Variants in RIMKLB observed in about 807,000 individuals in gnomAD.
RIMKLB encodes beta-citrylglutamate synthase B.
RIMKLB carries 7 observed loss-of-function variants against 32.0 expected under a neutral mutation model. The ratio of observed to expected loss-of-function variants is 0.22; its 90% CI spans 0.12 to 0.41. RIMKLB has a LOEUF of 0.41. Among genes scored for constraint, RIMKLB ranks in the 10% least tolerant of loss-of-function variants. RIMKLB has a pLI of 1.00. For synonymous variants in RIMKLB, 172 were observed against 185.1 expected (o/e 0.93, Z 0.57); for missense variants, 289 against 498.7 (o/e 0.58, Z 4.00).
At chr12:8,713,536 T>G (rs867961871) in intron 1 of RIMKLB, among the ~76,000 whole-genome samples, 1 of 152,332 alleles carries the variant, frequency 6.6e-6, no homozygotes, top group Middle Eastern at 3.4e-3. Context: ...GGAAGGGTAT[T>G]TAAACTTTCT....
At chr12:8,705,428 G>T (rs1174451304) in intron 1 of RIMKLB, among the ~76,000 whole-genome samples, 1 of 143,814 alleles carries the variant, frequency 7.0e-6, no homozygotes, top group African/African-American at 2.6e-5. Flanking sequence ...AGTGAGCCAA[G>T]ATCACGTCAC....
Position 8,773,527 on chromosome 12 carries a change from T to C in RIMKLB, c.904T>C (p.Tyr302His), listed in dbSNP as rs1157365838. ...NLDVAGIIAD[Y>H]AASLLPSGRL... ...AGATGTAGCTGGTATCATAGCAGAC[T>C]ATGCCGCCTCCCTTCTACCCTCTGG... The change falls in exon 6 of 6, where the codon TAT (tyrosine) becomes CAT (histidine). Residue 302 changes from tyrosine to histidine, a missense_variant. Tyr to His is a moderately conservative substitution (Grantham distance 83, BLOSUM62 2). Transcript: ENST00000535829. The C allele has an allele frequency of 1.9e-6, 3 of 1,614,140 alleles. No homozygotes were observed. In the African/African-American group the frequency reaches 4.0e-5, roughly 22 times the overall value.
At chr12:8,741,575 C>T (rs1591830911) in intron 2 of RIMKLB, among the ~76,000 whole-genome samples, 1 of 151,470 alleles carries the variant, frequency 6.6e-6, no homozygotes, top group Admixed American at 6.6e-5. Context: ...GTCAGGAGAT[C>T]GAGACCAGCC....
At chr12:8,703,733 A>G (rs1248723838) in intron 1 of RIMKLB, among the ~76,000 whole-genome samples, 2 of 152,112 alleles carry the variant, frequency 1.3e-5, no homozygotes, top group East Asian at 3.8e-4. Context: ...ACCACTTTCT[A>G]ATTGTGACTT....
intron 5 of RIMKLB, among the ~76,000 whole-genome samples, chr12:8,766,566 A>G (rs1467738371): frequency 1.3e-5 from 2 of 152,200 alleles, no homozygotes; most frequent in African/African-American, 4.8e-5. Flanking sequence ...GGCTGAGTGC[A>G]AACAGCTCGC....
rs1378235259 is a variant in RIMKLB at position 8,698,238 on chromosome 12, C to T, written c.-116C>T. 5.3e-6 allele frequency: 2 copies of T among 376,000 alleles called. No homozygotes were observed. Among genetic ancestry groups the T allele is most frequent in the East Asian group, 1.4e-4 (1 of 6,906 alleles). The allele number at this position is 376,000 out of a possible 1,614,324, so 23.3% of individuals were successfully genotyped here. ...TCCAGCCGCCCGGCGGCCCGCGCTT[C>T]CTCGAAGGCCCCAGCCCGGCTCAGT... On this transcript the variant is annotated 5_prime_UTR_variant, in exon 1 of 6. Transcript: ENST00000535829.
rs760094002 is a variant in RIMKLB at position 8,713,817 on chromosome 12, G to T, written c.-50G>T. 12 of 1,586,792 alleles carry T rather than the reference G, an allele frequency of 7.6e-6. No homozygotes were observed. Among genetic ancestry groups the T allele is most frequent in the Non-Finnish European group, 9.5e-6 (11 of 1,155,406 alleles). On this transcript the variant is annotated 5_prime_UTR_variant, in exon 2 of 6. Coordinates refer to ENST00000535829, the MANE Select transcript of RIMKLB (RefSeq NM_001297776.2). ...TATTTTTTCTTCCATCTAGGTAGAC[G>T]TTACATCCAAGAGGAAATAATCCAG...
At chr12:8,693,763 A>G (rs750088263), upstream of RIMKLB, among the ~76,000 whole-genome samples, 1 of 151,656 alleles carries the variant, frequency 6.6e-6, no homozygotes, top group African/African-American at 2.4e-5. Flanking sequence ...GCTAGATAAC[A>G]TGTGTATTTC....
intron 2 of RIMKLB, among the ~76,000 whole-genome samples, chr12:8,728,428 T>C (rs1004305943): frequency 6.6e-6 from 1 of 152,208 alleles, no homozygotes; most frequent in Admixed American, 6.5e-5. Flanking sequence ...GAGCCTTTGC[T>C]ACTGGACTAC....
At chr12:8,700,606 G>A (rs1219702700) in intron 1 of RIMKLB, 1 of 152,212 alleles carries the variant, frequency 6.6e-6, no homozygotes, top group African/African-American at 2.4e-5. Flanking sequence ...CAAACATAAA[G>A]TAAGGAGGGT....
upstream of RIMKLB, chr12:8,679,699 C>T (rs1393463160): frequency 1.3e-5 from 2 of 152,218 alleles, no homozygotes; most frequent in Non-Finnish European, 2.9e-5. Flanking sequence ...TATGTATTCT[C>T]TTTTAGACCA....
chr12:8,752,012 A>C lies in RIMKLB; in HGVS notation c.462A>C (p.Pro154=), dbSNP rs1948656783. Residue 154 remains proline (P), a synonymous_variant, in exon 4 of 6, where the codon CCA becomes CCC. Coordinates refer to ENST00000535829, the MANE Select transcript of RIMKLB (RefSeq NM_001297776.2). ...MIDEAEVLEF[P]MVVKNTRGHR... ...ATGAGGCTGAAGTTCTGGAGTTCCC[A>C]ATGGTAGTAAAGAATACGCGGGGTC... is the stretch of plus-strand genomic sequence containing the variant. The C allele has an allele frequency of 1.2e-6, 2 of 1,613,354 alleles. No individual in the cohort carries two copies.
At chr12:8,673,596 G>C in the RIMKLB span, among the ~76,000 whole-genome samples, 1 of 151,404 alleles carries the variant, frequency 6.6e-6, no homozygotes, top group South Asian at 2.1e-4. Flanking sequence ...ACTCACTCGA[G>C]CTTCTTTTTT....
At chr12:8,724,252 T>C (rs1159097365) in intron 2 of RIMKLB, among the ~76,000 whole-genome samples, 1 of 152,196 alleles carries the variant, frequency 6.6e-6, no homozygotes, top group Non-Finnish European at 1.5e-5. Flanking sequence ...GTAAAATTCG[T>C]TTGATTTTTA....
At position 8,774,819 on chromosome 12, in the gene RIMKLB, G is replaced by A; in HGVS notation, c.*1035G>A. ...TGAGTTCTAAGTATAAAGCTGAAGT[G>A]ATTTCGAATGCCAGCGTTATATATT... On this transcript the variant is annotated 3_prime_UTR_variant, in exon 6 of 6. Coordinates refer to ENST00000535829, the MANE Select transcript of RIMKLB (RefSeq NM_001297776.2). The A allele has an allele frequency of 1.0e-6, 1 of 985,538 alleles. No individual in the cohort carries two copies. Among genetic ancestry groups the A allele is most frequent in the South Asian group, 4.7e-5 (1 of 21,282 alleles). 61.0% of individuals were successfully genotyped at this position (985,538 alleles called of 1,614,324 possible). A position where few individuals can be genotyped will look rare whatever the true frequency, so the allele number is the denominator to read the frequency against.
intron 2 of RIMKLB, among the ~76,000 whole-genome samples, chr12:8,730,405 A>G (rs764022909): frequency 6.6e-6 from 1 of 152,084 alleles, no homozygotes; most frequent in East Asian, 1.9e-4. Flanking sequence ...CTGCTTTTAG[A>G]TGTCTTAATT....
intron 5 of RIMKLB, among the ~76,000 whole-genome samples, chr12:8,766,604 A>G (rs886963775): frequency 2.0e-5 from 3 of 152,042 alleles, no homozygotes; most frequent in Non-Finnish European, 4.4e-5. Flanking sequence ...TTATTAGGCA[A>G]TTTTCCTAAC....
chr12:8,711,878 CTG>C (rs1470249655), intron 1 of RIMKLB, among the ~76,000 whole-genome samples: 1 of 152,166 alleles, frequency 6.6e-6, no homozygotes, highest in African/African-American at 2.4e-5. Context: ...CAGGGACACA[CTG>C]TGGCCTTCCC....
rs1491190533 is a variant in RIMKLB, at chr12:8,748,557, T to TGTGTGC, written c.176-1304_176-1303insTGTGCG. Among the ~76,000 whole-genome samples, 4 of 102,124 alleles carry TGTGTGC rather than the reference T, an allele frequency of 3.9e-5. No homozygotes were observed. In the East Asian group the frequency reaches 1.0e-3, roughly 26 times the overall value. 67.0% of individuals were successfully genotyped at this position (102,124 alleles called of 152,430 possible). On this transcript the variant is annotated intron_variant, in intron 2 of 5. Transcript: ENST00000535829. ...GTGTGTGTGTGTGTGTGTGTGTGTG[T>TGTGTGC]GCATATATATATATACACAAAATTT...
Sources: gnomAD v4.1 joint callset for allele counts (sites outside exome capture counted in the v4.1 genomes callset) on GRCh38, gnomAD v4.1.1 for gene constraint, MANE v1.5 for transcripts, NCBI Gene and HGNC (gene_info 2026-07-23, HGNC 2026-07-21) for gene names.